SCML4: variants seen among roughly 807,000 people sequenced by gnomAD.
SCML4 encodes the protein Scm polycomb group protein like 4.
In SCML4, 34 loss-of-function variants were observed where a neutral mutation model predicts 41.1. That is an observed-to-expected ratio of 0.83 (90% CI 0.63 to 1.10). The LOEUF (loss-of-function observed/expected upper bound fraction) is 1.10, where lower values mean the gene tolerates loss of function less well. Ranked by LOEUF, SCML4 falls within the 50% of genes least tolerant of loss-of-function variation. The probability of loss-of-function intolerance (pLI) is 0.00; values close to 1 mark genes in which losing one functional copy is unlikely to be tolerated. For missense variants in SCML4, 522 were observed against 534.1 expected (o/e 0.98, Z 0.22); for synonymous variants, 214 against 220.9 (o/e 0.97, Z 0.28).
At chr6:107,766,730 TG>T (rs1780078723) in intron 2 of SCML4, among the ~76,000 whole-genome samples, 1 of 152,046 alleles carries the variant, frequency 6.6e-6, no homozygotes, top group Non-Finnish European at 1.5e-5. Context: ...GCATGGGCAC[TG>T]GGGGGTAGGC....
the SCML4 span, among the ~76,000 whole-genome samples, chr6:107,833,640 T>C: frequency 6.6e-6 from 1 of 152,082 alleles, no homozygotes; most frequent in Admixed American, 6.6e-5. Flanking sequence ...TGGAGGACTC[T>C]CCGGAGAGGA....
intron 5 of SCML4, among the ~76,000 whole-genome samples, chr6:107,744,541 T>C (rs1487388651): frequency 6.6e-6 from 1 of 152,210 alleles, no homozygotes; most frequent in Non-Finnish European, 1.5e-5. Flanking sequence ...ATCAGTTCTA[T>C]AGCTCTAGTT....
the SCML4 span, among the ~76,000 whole-genome samples, chr6:107,839,179 C>T: frequency 6.6e-6 from 1 of 151,742 alleles, no homozygotes; most frequent in Non-Finnish European, 1.5e-5. Context: ...TGTAGTCTCA[C>T]CTATTCGGGA....
At position 107,717,143 on chromosome 6, in the gene SCML4, CAAAAAAAAAAAA is replaced by C. The variant is rs546258538; in HGVS notation, c.973+3548_973+3559del. On this transcript the variant is annotated intron_variant, in intron 6 of 7. Coordinates refer to ENST00000369020, the MANE Select transcript of SCML4 (RefSeq NM_198081.5). ...TGAAACCCCGTCTCTACTAAAAATA[CAAAAAAAAAAAA>C]AAAAAAAAAAAAAAAAAAGCCAGGT... is the stretch of plus-strand genomic sequence containing the variant. Among the ~76,000 whole-genome samples, 29 of 63,536 alleles carry C rather than the reference CAAAAAAAAAAAA, an allele frequency of 4.6e-4. 1 individual carries two copies. The highest frequency in any genetic ancestry group is 6.8e-4 in the South Asian group (1 of 1,472). The allele number at this position is 63,536 out of a possible 152,430, so 41.7% of individuals were successfully genotyped here.
chr6:107,829,815 T>C, the SCML4 span, among the ~76,000 whole-genome samples: 3 of 152,154 alleles, frequency 2.0e-5, no homozygotes, highest in Non-Finnish European at 2.9e-5. Flanking sequence ...TATGAATTAA[T>C]TGATTGATTA....
chr6:107,753,123 A>T (rs1778824146), intron 2 of SCML4, among the ~76,000 whole-genome samples: 1 of 152,166 alleles, frequency 6.6e-6, no homozygotes, highest in African/African-American at 2.4e-5. Flanking sequence ...GTTAAGATAG[A>T]TACTATTAAA....
chr6:107,835,251 T>C, the SCML4 span, among the ~76,000 whole-genome samples: 1 of 151,668 alleles, frequency 6.6e-6, no homozygotes, highest in East Asian at 2.0e-4. Context: ...GTCCCAGCTA[T>C]TCAGCAGGCT....
intron 1 of SCML4, among the ~76,000 whole-genome samples, chr6:107,822,508 C>CTTTTTTTTTTTTTTTTTTTTTTTTT (rs10677944): frequency 4.3e-5 from 6 of 137,994 alleles, no homozygotes; most frequent in African/African-American, 1.4e-4. Flanking sequence ...TTTTTCTTTT[C>CTTTTTTTTTTTTTTTTTTTTTTTTT]TTTTTTTTTT....
intron 2 of SCML4, among the ~76,000 whole-genome samples, chr6:107,766,641 C>CTGTA (rs1482976674): frequency 5.9e-5 from 9 of 152,224 alleles, no homozygotes; most frequent in African/African-American, 2.2e-4. Flanking sequence ...AGAATGCCAG[C>CTGTA]TGTAAAACAT....
At chr6:107,776,227 GA>G (rs1481284218) in intron 1 of SCML4, among the ~76,000 whole-genome samples, 1 of 152,010 alleles carries the variant, frequency 6.6e-6, no homozygotes, top group Non-Finnish European at 1.5e-5. Flanking sequence ...TAAAGCTAAG[GA>G]AACTATTTGC....
Position 107,707,914 on chromosome 6 carries a change from G to T in SCML4, c.1071C>A (p.Asp357Glu). Reference protein sequence around the residue: ...TVEDVVWFVKDADPQALGPHV... With the variant: ...TVEDVVWFVKEADPQALGPHV... ...GAGGCCCCAGAGCCTGTGGGTCGGC[G>T]TCCTTCACAAACCACACCACGTCCT... Residue 357 changes from aspartate (D) to glutamate (E), a missense_variant, in exon 7 of 8, where the codon GAC becomes GAA. Transcript: ENST00000369020. The T allele has an allele frequency of 1.9e-6, 3 of 1,551,638 alleles. No homozygotes were observed. The highest frequency in any genetic ancestry group is 2.4e-5 in the South Asian group (2 of 84,060).
chr6:107,767,734 G>A (rs1240892318), intron 2 of SCML4, among the ~76,000 whole-genome samples: 1 of 152,104 alleles, frequency 6.6e-6, no homozygotes, highest in African/African-American at 2.4e-5. Flanking sequence ...CTGATCACTC[G>A]GTAACCAGCA....
At chr6:107,818,121 T>A (rs1401412534) in intron 1 of SCML4, among the ~76,000 whole-genome samples, 4 of 152,238 alleles carry the variant, frequency 2.6e-5, no homozygotes, top group African/African-American at 9.6e-5. Flanking sequence ...CATACCCAAA[T>A]TTAAAGCTAT....
At chr6:107,709,642 G>A (rs534306722) in intron 6 of SCML4, among the ~76,000 whole-genome samples, 17 of 152,228 alleles carry the variant, frequency 1.1e-4, no homozygotes, top group African/African-American at 2.4e-4. Flanking sequence ...TGATGCCTTC[G>A]TGAACAGAAA....
intron 1 of SCML4, among the ~76,000 whole-genome samples, chr6:107,773,632 A>G (rs1027397802): frequency 6.6e-6 from 1 of 150,732 alleles, no homozygotes; most frequent in Non-Finnish European, 1.5e-5. Context: ...TCTCAGGTAG[A>G]ATTGCCTAAA....
chr6:107,812,709 C>T (rs1424297556), intron 1 of SCML4, among the ~76,000 whole-genome samples: 3 of 152,170 alleles, frequency 2.0e-5, no homozygotes, highest in African/African-American at 7.2e-5. Flanking sequence ...TGCCTTTAGA[C>T]TCAAACTAAA....
chr6:107,810,833 G>A (rs905433688), intron 1 of SCML4, among the ~76,000 whole-genome samples: 1 of 152,042 alleles, frequency 6.6e-6, no homozygotes, highest in Non-Finnish European at 1.5e-5. Context: ...TATAGAGATG[G>A]GGGTCTCACT....
chr6:107,779,172 T>A (rs1420208383), intron 1 of SCML4, among the ~76,000 whole-genome samples: 1 of 142,134 alleles, frequency 7.0e-6, no homozygotes, highest in Non-Finnish European at 1.5e-5. Context: ...AGAGGGAGAC[T>A]CCATCTCAAA....
At chr6:107,796,420 A>G (rs994420596) in intron 1 of SCML4, among the ~76,000 whole-genome samples, 2 of 152,136 alleles carry the variant, frequency 1.3e-5, no homozygotes, top group East Asian at 1.9e-4. Flanking sequence ...TTTTATGTGT[A>G]TATTGGCTAT....
Sources: allele counts gnomAD v4.1 joint callset (sites outside exome capture counted in the v4.1 genomes callset), GRCh38; gene constraint gnomAD v4.1.1; transcripts MANE v1.5; gene names NCBI Gene and HGNC (gene_info 2026-07-23, HGNC 2026-07-21).